SYN3: variants seen among roughly 807,000 people sequenced by gnomAD.
SYN3 encodes synapsin-3.
SYN3 carries 35 observed loss-of-function variants against 65.8 expected under a neutral mutation model. That is an observed-to-expected ratio of 0.53 (90% CI 0.41 to 0.70). The LOEUF is 0.70. SYN3 is among the 30% of genes least tolerant of loss of function. The pLI is 0.00. For missense variants in SYN3, 680 were observed against 749.0 expected (o/e 0.91, Z 1.08); for synonymous variants, 270 against 292.9 (o/e 0.92, Z 0.80).
intron 13 of SYN3, among the ~76,000 whole-genome samples, chr22:32,516,847 A>C (rs1470102166): frequency 1.3e-5 from 2 of 152,130 alleles, no homozygotes; most frequent in Non-Finnish European, 2.9e-5. Flanking sequence ...GGGATAAGAA[A>C]TAGTTATTAA....
At chr22:32,803,175 G>C (rs371025631) in intron 6 of SYN3, among the ~76,000 whole-genome samples, 1 of 152,166 alleles carries the variant, frequency 6.6e-6, no homozygotes, top group African/African-American at 2.4e-5. Context: ...CACTGGGCTG[G>C]GCTGGGCGGT....
chr22:32,999,306 G>C (rs1236408064), intron 2 of SYN3, among the ~76,000 whole-genome samples: 1 of 152,178 alleles, frequency 6.6e-6, no homozygotes, highest in African/African-American at 2.4e-5. Flanking sequence ...AGATAGGGAA[G>C]GGTATTCCAG....
intron 4 of SYN3, among the ~76,000 whole-genome samples, chr22:32,905,648 A>G (rs1212875449): frequency 6.6e-6 from 1 of 152,234 alleles, no homozygotes. Flanking sequence ...CATGGTCAGT[A>G]AGTCACTTAT....
At chr22:32,650,273 CTCTT>C (rs1321938908) in intron 6 of SYN3, among the ~76,000 whole-genome samples, 10 of 114,884 alleles carry the variant, frequency 8.7e-5, no homozygotes, top group African/African-American at 1.5e-4. Flanking sequence ...CTCTCTCTCT[CTCTT>C]TCTTTTTGAG....
At chr22:32,865,467 A>G (rs1452897168) in intron 5 of SYN3, among the ~76,000 whole-genome samples, 1 of 152,210 alleles carries the variant, frequency 6.6e-6, no homozygotes, top group African/African-American at 2.4e-5. Context: ...AAGTCAATTC[A>G]GGTTTCTGAG....
chr22:33,024,094 G>T (rs114881977), intron 1 of SYN3, among the ~76,000 whole-genome samples: 1 of 152,162 alleles, frequency 6.6e-6, no homozygotes, highest in African/African-American at 2.4e-5. Flanking sequence ...AATGTCTGCC[G>T]GGCACAGCCT....
At chr22:32,920,318 A>T (rs2050303701) in intron 4 of SYN3, among the ~76,000 whole-genome samples, 1 of 152,122 alleles carries the variant, frequency 6.6e-6, no homozygotes, top group Admixed American at 6.5e-5. Flanking sequence ...CTGTATAAAC[A>T]TGGCTGTCCC....
intron 6 of SYN3, among the ~76,000 whole-genome samples, chr22:32,793,091 A>G (rs1395623088): frequency 6.6e-6 from 1 of 152,232 alleles, no homozygotes; most frequent in African/African-American, 2.4e-5. Context: ...CATAGTAGGT[A>G]TTCAACTAAT....
intron 6 of SYN3, among the ~76,000 whole-genome samples, chr22:32,656,604 T>C (rs979281722): frequency 3.3e-4 from 50 of 152,200 alleles, no homozygotes; most frequent in Admixed American, 6.5e-5. Context: ...GTAGGACTTT[T>C]TGAGTCTGTA....
chr22:32,873,245 C>T lies in SYN3; in HGVS notation c.462-4120G>A, dbSNP rs561241238. On this transcript the variant is annotated intron_variant, in intron 4 of 13. Coordinates refer to ENST00000358763, the MANE Select transcript of SYN3 (RefSeq NM_003490.4). ...GGATTACAGACGTGAGCCACCGTGC[C>T]CGGCCAGCATTTGTTAAATTAACAA... 1.3e-4 allele frequency among the ~76,000 whole-genome samples: 20 copies of T among 152,236 alleles called. No individual in the cohort carries two copies. The South Asian group carries it at 3.9e-3, about 30-fold the overall frequency.
chr22:32,821,191 T>C (rs2146061744), intron 6 of SYN3, among the ~76,000 whole-genome samples: 1 of 152,336 alleles, frequency 6.6e-6, no homozygotes, highest in Admixed American at 6.5e-5. Flanking sequence ...CTTTTACCAC[T>C]GGAGTTAGTT....
rs933461217 is a variant in SYN3, at chr22:32,511,598, G to C, written c.*2094C>G. 1.2e-4 allele frequency among the ~76,000 whole-genome samples: 18 copies of C among 152,360 alleles called. No homozygotes were observed. Among genetic ancestry groups the C allele is most frequent in the Admixed American group, 1.2e-3 (18 of 15,302 alleles). On this transcript the variant is annotated 3_prime_UTR_variant, in exon 14 of 14. Coordinates refer to ENST00000358763, the MANE Select transcript of SYN3 (RefSeq NM_003490.4). ...GAACTCAGCCGAGCATGGAGACAGAGTAAGGGTGGTGGGCTTTTTGGGCGC... is the reference window on the plus strand; with the variant it reads ...GAACTCAGCCGAGCATGGAGACAGACTAAGGGTGGTGGGCTTTTTGGGCGC...
chr22:32,787,044 CT>C (rs1373821223), intron 6 of SYN3, among the ~76,000 whole-genome samples: 1 of 127,968 alleles, frequency 7.8e-6, no homozygotes, highest in Non-Finnish European at 1.6e-5. Context: ...CTTTTTTTTC[CT>C]TTCTTTTCTT....
intron 6 of SYN3, among the ~76,000 whole-genome samples, chr22:32,608,300 C>T (rs550844899): frequency 2.0e-5 from 3 of 152,198 alleles, no homozygotes; most frequent in South Asian, 2.1e-4. Context: ...GAACTCCTGA[C>T]GTCAAATGAT....
intron 4 of SYN3, among the ~76,000 whole-genome samples, chr22:32,883,557 C>T (rs2049203780): frequency 6.6e-6 from 1 of 152,194 alleles, no homozygotes; most frequent in Admixed American, 6.5e-5. Flanking sequence ...TCCTCCTCTT[C>T]TCTGCCCCTA....
chr22:32,910,675 T>C (rs1418889843), intron 4 of SYN3, among the ~76,000 whole-genome samples: 3 of 149,330 alleles, frequency 2.0e-5, no homozygotes, highest in Non-Finnish European at 4.5e-5. Flanking sequence ...TTGAAAGTAA[T>C]GGCAAAAATC....
At chr22:32,745,806 C>T (rs888321541) in intron 6 of SYN3, among the ~76,000 whole-genome samples, 2 of 152,024 alleles carry the variant, frequency 1.3e-5, no homozygotes, top group African/African-American at 4.8e-5. Context: ...GAAACGCAGA[C>T]AGGAATAGAG....
chr22:32,654,811 GCCAGGCTCCACC>G (rs1049520220), intron 6 of SYN3, among the ~76,000 whole-genome samples: 17 of 152,344 alleles, frequency 1.1e-4, no homozygotes, highest in African/African-American at 4.1e-4. Context: ...CTGGGCTGGG[GCCAGGCTCCACC>G]CCTTGATATT....
chr22:32,863,334 C>G lies in SYN3; in HGVS notation c.711+1581G>C, dbSNP rs140099175. Among the ~76,000 whole-genome samples the G allele has an allele frequency of 6.8e-3, 1,043 of 152,288 alleles. 9 individuals carry two copies. Among genetic ancestry groups the G allele is most frequent in the Admixed American group, 0.011 (172 of 15,298 alleles). On this transcript the variant is annotated intron_variant, in intron 6 of 13. Coordinates refer to ENST00000358763, the MANE Select transcript of SYN3 (RefSeq NM_003490.4). ...AATCACCTATTGGTGGTACAAGTAC[C>G]CCCAGACTGGAGTCCTTACTCAGCC...
Sources: allele counts gnomAD v4.1 joint callset (sites outside exome capture counted in the v4.1 genomes callset), GRCh38; gene constraint gnomAD v4.1.1; transcripts MANE v1.5; gene names NCBI Gene and HGNC (gene_info 2026-07-23, HGNC 2026-07-21).